EWSR1: variants seen among roughly 807,000 people sequenced by gnomAD.
The protein encoded by EWSR1 is RNA-binding protein EWS.
EWSR1 carries 14 observed loss-of-function variants against 92.1 expected under a neutral mutation model. The ratio of observed to expected loss-of-function variants is 0.15; its 90% CI spans 0.10 to 0.24. EWSR1 has a LOEUF of 0.24. Ranked by LOEUF, EWSR1 falls within the 10% of genes least tolerant of loss-of-function variation. EWSR1 has a pLI of 1.00. For synonymous variants in EWSR1, 303 were observed against 292.9 expected, an observed-to-expected ratio of 1.03 and a Z score of -0.35; for missense variants, 637 against 870.9, an observed-to-expected ratio of 0.73 and a Z score of 3.38.
At chr22:29,291,856 GA>G in intron 9 of EWSR1, 1 of 570,214 alleles carries the variant, frequency 1.8e-6, no homozygotes, top group East Asian at 2.9e-5. Flanking sequence ...TTATTTAGAG[GA>G]AAAATTTTGA....
intron 4 of EWSR1, chr22:29,275,622 G>C (rs2059046456): frequency 8.7e-6 from 2 of 229,426 alleles, no homozygotes; most frequent in Admixed American, 1.1e-4. Context: ...TTGGTAGTGC[G>C]TGGGTTCAAG....
intron 10 of EWSR1, 136 bp downstream of exon 10, chr22:29,292,305 A>G (rs894080426): frequency 7.5e-6 from 8 of 1,064,582 alleles, no homozygotes; most frequent in Admixed American, 3.5e-5. Flanking sequence ...GGGAAATCCT[A>G]TGTGAGCATC....
At chr22:29,292,359 C>G in intron 10 of EWSR1, 129 bp from the exon 11 acceptor site, 1 of 914,822 alleles carries the variant, frequency 1.1e-6, no homozygotes, top group Non-Finnish European at 1.8e-6. Context: ...AGTTTGATAG[C>G]ATTCTTCTTA....
intron 5 of EWSR1, among the ~76,000 whole-genome samples, chr22:29,279,423 G>A (rs1476857722): frequency 6.6e-6 from 1 of 152,166 alleles, no homozygotes; most frequent in East Asian, 1.9e-4. Flanking sequence ...TTGTATAGAG[G>A]CTTAATCTAA....
chr22:29,269,710 G>A (rs1438790908), intron 1 of EWSR1: 1 of 152,202 alleles, frequency 6.6e-6, no homozygotes, highest in Non-Finnish European at 1.5e-5. Flanking sequence ...GGATACCAAA[G>A]AGTGCCGGTA....
rs376496961 is a variant in EWSR1 at position 29,282,296 on chromosome 22, G to T, written c.414-94G>T. On this transcript the variant is annotated intron_variant, in intron 5 of 16. Transcript: ENST00000397938. ...TTAATCATAACATTGCTTATTGCTC[G>T]TAGCTTTGTAGCATTCTTACCCAGG... The T allele has an allele frequency of 2.4e-5, 23 of 948,416 alleles. No individual in the cohort carries two copies. In the South Asian group the frequency reaches 4.1e-4, roughly 17 times the overall value. 58.8% of individuals were successfully genotyped at this position (948,416 alleles called of 1,614,324 possible).
intron 4 of EWSR1, chr22:29,277,035 C>T: frequency 4.3e-6 from 1 of 230,700 alleles, no homozygotes; most frequent in African/African-American, 2.2e-5. Flanking sequence ...TTAGGAGCTG[C>T]AGACTTTCGT....
At chr22:29,297,711 C>G in intron 12 of EWSR1, 116 bp from the exon 13 acceptor site, 2 of 1,389,492 alleles carry the variant, frequency 1.4e-6, no homozygotes, top group Non-Finnish European at 2.0e-6. Flanking sequence ...CATTAAAGAT[C>G]TTAGAGAAGA....
intron 11 of EWSR1, among the ~76,000 whole-genome samples, chr22:29,293,847 C>T (rs1303110962): frequency 1.3e-5 from 2 of 151,994 alleles, no homozygotes; most frequent in South Asian, 2.1e-4. Flanking sequence ...TGATTGCAGA[C>T]ATGAGCCACT....
At chr22:29,289,350 G>T (rs62226085) in intron 8 of EWSR1, 1 of 229,648 alleles carries the variant, frequency 4.4e-6, no homozygotes, top group Non-Finnish European at 8.6e-6. Flanking sequence ...ATAGCATTTT[G>T]CAGAGTAATG....
intron 1 of EWSR1, among the ~76,000 whole-genome samples, chr22:29,271,352 T>C (rs752250081): frequency 2.0e-5 from 3 of 152,226 alleles, no homozygotes; most frequent in Non-Finnish European, 2.9e-5. Context: ...TTACTACTTG[T>C]AGACACCTCA....
At chr22:29,295,213 A>G (rs2147687555) in intron 11 of EWSR1, among the ~76,000 whole-genome samples, 1 of 152,170 alleles carries the variant, frequency 6.6e-6, no homozygotes, top group Admixed American at 6.5e-5. Context: ...GAGCATATTA[A>G]AAAGACTGCT....
chr22:29,275,117 T>C (rs951850295), intron 4 of EWSR1, among the ~76,000 whole-genome samples: 2 of 152,232 alleles, frequency 1.3e-5, no homozygotes, highest in South Asian at 2.1e-4. Context: ...ATCTAAACTT[T>C]CTAGTGGTGT....
At chr22:29,271,424 T>C (rs921257571) in intron 1 of EWSR1, among the ~76,000 whole-genome samples, 19 of 152,232 alleles carry the variant, frequency 1.2e-4, no homozygotes, top group African/African-American at 4.3e-4. Context: ...AGGAAAATTA[T>C]AGGGAGGTTT....
intron 5 of EWSR1, among the ~76,000 whole-genome samples, chr22:29,279,177 A>AT (rs1353303487): frequency 6.6e-6 from 1 of 152,068 alleles, no homozygotes; most frequent in African/African-American, 2.4e-5. Context: ...AACTGATAGA[A>AT]TTGTACTTTT....
At chr22:29,288,064 T>A (rs906356387) in intron 7 of EWSR1, among the ~76,000 whole-genome samples, 10 of 152,260 alleles carry the variant, frequency 6.6e-5, no homozygotes, top group African/African-American at 1.7e-4. Flanking sequence ...GGGGGAAAAA[T>A]AATCCTCCTC....
intron 5 of EWSR1, among the ~76,000 whole-genome samples, chr22:29,280,814 C>T (rs1216346409): frequency 7.2e-6 from 1 of 138,938 alleles, no homozygotes; most frequent in Admixed American, 7.8e-5. Flanking sequence ...GCTGGGATTA[C>T]AGGTGCCCGC....
At chr22:29,285,454 C>G (rs1271819459) in intron 6 of EWSR1, among the ~76,000 whole-genome samples, 1 of 151,176 alleles carries the variant, frequency 6.6e-6, no homozygotes, top group African/African-American at 2.5e-5. Flanking sequence ...CATTTCTGTG[C>G]AAGAATGTAT....
At chr22:29,296,013 C>A in intron 11 of EWSR1, 1 of 482,486 alleles carries the variant, frequency 2.1e-6, no homozygotes, top group Non-Finnish European at 3.8e-6. Context: ...AGGAGTGGGG[C>A]CTATCCTGTT....
Sources: gnomAD v4.1 joint callset for allele counts (sites outside exome capture counted in the v4.1 genomes callset) on GRCh38, gnomAD v4.1.1 for gene constraint, MANE v1.5 for transcripts, NCBI Gene and HGNC (gene_info 2026-07-23, HGNC 2026-07-21) for gene names.